Variants in ADD1 observed in about 807,000 individuals in gnomAD.
ADD1 encodes the protein alpha-adducin.
A neutral mutation model predicts 80.5 loss-of-function variants in ADD1; 24 were observed. The ratio of observed to expected loss-of-function variants is 0.30; its 90% CI spans 0.22 to 0.42. The LOEUF (loss-of-function observed/expected upper bound fraction) is 0.42, where lower values mean the gene tolerates loss of function less well. Among genes scored for constraint, ADD1 ranks in the 10% least tolerant of loss-of-function variants. The pLI is 1.00. For synonymous variants in ADD1, 373 were observed against 393.8 expected, an observed-to-expected ratio of 0.95 and a Z score of 0.63; for missense variants, 948 against 1,019.0, an observed-to-expected ratio of 0.93 and a Z score of 0.95.
chr4:2,898,582 G>C, intron 8 of ADD1, 51 bp downstream of exon 8: 1 of 1,514,150 alleles, frequency 6.6e-7, no homozygotes, highest in East Asian at 2.3e-5. Flanking sequence ...ATGTGTCTGG[G>C]GTTCACATAG....
At chr4:2,890,317 T>C (rs1026619652) in intron 4 of ADD1, among the ~76,000 whole-genome samples, 2 of 152,178 alleles carry the variant, frequency 1.3e-5, no homozygotes, top group African/African-American at 4.8e-5. Context: ...GAATGCCTTA[T>C]AAAAATATGA....
chr4:2,882,074 G>C lies in ADD1; in HGVS notation c.358+14G>C, dbSNP rs1732447578. On this transcript the variant is annotated intron_variant, in intron 3 of 15. Transcript: ENST00000683351. ...CCTTAAACATGAGTGAGTAGTTCCT[G>C]ATTTTTAATATATGTTCTGTAGTTT... The C allele has an allele frequency of 1.3e-6, 2 of 1,577,552 alleles. No homozygotes were observed. The highest frequency in any genetic ancestry group is 2.7e-5 in the African/African-American group (2 of 72,772).
Position 2,880,637 on chromosome 4 carries a change from G to A in ADD1, c.196-1261G>A, listed in dbSNP as rs575006286. Among the ~76,000 whole-genome samples the A allele has an allele frequency of 2.2e-3, 330 of 151,658 alleles. 1 individual carries two copies. Among genetic ancestry groups the A allele is most frequent in the Non-Finnish European group, 3.9e-3 (266 of 67,854 alleles). Reference sequence around the variant, plus strand: ...ACTACAGGCGCCCACCACCACGCCTGGCTTATTTTTTGTATTTTTAGTAGA... The same window carrying A: ...ACTACAGGCGCCCACCACCACGCCTAGCTTATTTTTTGTATTTTTAGTAGA... On this transcript the variant is annotated intron_variant, in intron 2 of 15. Coordinates refer to ENST00000683351, the MANE Select transcript of ADD1 (RefSeq NM_001354761.2).
intron 1 of ADD1, among the ~76,000 whole-genome samples, chr4:2,846,889 G>A (rs772469424): frequency 3.0e-4 from 46 of 151,512 alleles, no homozygotes; most frequent in Non-Finnish European, 5.9e-4. Context: ...AGGCCGAGGC[G>A]GGCGGATCAT....
At chr4:2,868,322 G>A (rs1729867649) in intron 1 of ADD1, among the ~76,000 whole-genome samples, 1 of 152,182 alleles carries the variant, frequency 6.6e-6, no homozygotes, top group African/African-American at 2.4e-5. Flanking sequence ...AGGTTTCCAA[G>A]TGTTTGTAAT....
intron 13 of ADD1, 110 bp downstream of exon 13, chr4:2,909,541 A>C: frequency 5.3e-6 from 4 of 749,850 alleles, no homozygotes; most frequent in East Asian, 5.6e-5. Flanking sequence ...GTAGCTTCAA[A>C]TGGATCTTTA....
At chr4:2,922,950 G>T (rs1377780829) in intron 14 of ADD1, among the ~76,000 whole-genome samples, 1 of 152,216 alleles carries the variant, frequency 6.6e-6, no homozygotes, top group Middle Eastern at 3.2e-3. Flanking sequence ...GGGGAAAATG[G>T]CCTACTCAAG....
chr4:2,915,468 G>A (rs914082842), intron 14 of ADD1, among the ~76,000 whole-genome samples: 1 of 152,132 alleles, frequency 6.6e-6, no homozygotes, highest in African/African-American at 2.4e-5. Flanking sequence ...ATGAAACGCC[G>A]TCTCTAGGAA....
At chr4:2,887,046 C>A (rs1406955153) in intron 4 of ADD1, among the ~76,000 whole-genome samples, 2 of 152,202 alleles carry the variant, frequency 1.3e-5, no homozygotes, top group East Asian at 3.8e-4. Context: ...TTTTCTCCTC[C>A]TTTAATTGTT....
At chr4:2,896,044 C>T (rs1000946418) in intron 6 of ADD1, among the ~76,000 whole-genome samples, 5 of 147,280 alleles carry the variant, frequency 3.4e-5, no homozygotes, top group African/African-American at 7.6e-5. Flanking sequence ...CCCGCCACCT[C>T]GCATGGCTAA....
At chr4:2,875,495 G>A (rs1731133556) in intron 1 of ADD1, among the ~76,000 whole-genome samples, 1 of 152,168 alleles carries the variant, frequency 6.6e-6, no homozygotes, top group African/African-American at 2.4e-5. Context: ...AAAAAAATCA[G>A]AAATCAAATT....
chr4:2,886,214 C>G (rs3755885), intron 4 of ADD1, among the ~76,000 whole-genome samples: 7,243 of 152,286 alleles, frequency 0.048, 421 homozygotes, highest in East Asian at 0.3. Context: ...TTCCTCCATA[C>G]TCACACACAC....
At chr4:2,855,064 T>C (rs977972453) in intron 1 of ADD1, 2 of 152,096 alleles carry the variant, frequency 1.3e-5, no homozygotes, top group Admixed American at 1.3e-4. Context: ...TGTGGTTAAA[T>C]CTCCCCCACC....
chr4:2,924,564 C>T (rs929465250), intron 14 of ADD1, among the ~76,000 whole-genome samples: 74 of 152,370 alleles, frequency 4.9e-4, no homozygotes, highest in African/African-American at 1.7e-3. Context: ...CTGTTGCTCT[C>T]CTGGGCCGTC....
At chr4:2,861,243 C>G (rs1728779209) in intron 1 of ADD1, among the ~76,000 whole-genome samples, 1 of 152,044 alleles carries the variant, frequency 6.6e-6, no homozygotes, top group African/African-American at 2.4e-5. Context: ...ATGGGAAGGC[C>G]CCTGCATATT....
chr4:2,855,077 G>A (rs373956159), intron 1 of ADD1: 26 of 152,208 alleles, frequency 1.7e-4, no homozygotes, highest in African/African-American at 5.3e-4. Context: ...CCCCCACCTC[G>A]ATTTTATAAG....
intron 1 of ADD1, among the ~76,000 whole-genome samples, chr4:2,865,270 T>C (rs570116805): frequency 1.7e-4 from 26 of 152,332 alleles, no homozygotes; most frequent in African/African-American, 6.0e-4. Context: ...ATAAAGACTT[T>C]CAAGTCTCCA....
Position 2,884,589 on chromosome 4 carries a change from T to C in ADD1, c.433T>C (p.Leu145=). ...SIAYDKGEKL[L]RCKLAAFYRL... ...TGCGTATGACAAAGGAGAGAAGTTA[T>C]TACGGTGTAAATTGGCAGCGTTTTA... The change falls in exon 4 of 16, where the codon TTA becomes CTA. Residue 145 remains leucine, a synonymous_variant. Coordinates refer to ENST00000683351, the MANE Select transcript of ADD1 (RefSeq NM_001354761.2). 3 of 1,613,774 alleles carry C rather than the reference T, an allele frequency of 1.9e-6. No individual in the cohort carries two copies. The highest frequency in any genetic ancestry group is 2.5e-6 in the Non-Finnish European group (3 of 1,179,774).
At chr4:2,928,042 TTCTTG>T (rs1712188850) in intron 15 of ADD1, 124 bp from the exon 16 acceptor site, 1 of 819,650 alleles carries the variant, frequency 1.2e-6, no homozygotes, top group African/African-American at 1.7e-5. Context: ...TATTTTAAGT[TTCTTG>T]TCTTGGTAAA....
Sources: gnomAD v4.1 joint callset for allele counts (sites outside exome capture counted in the v4.1 genomes callset) on GRCh38, gnomAD v4.1.1 for gene constraint, MANE v1.5 for transcripts, NCBI Gene and HGNC (gene_info 2026-07-23, HGNC 2026-07-21) for gene names.